PLOD3: variants seen among roughly 807,000 people sequenced by gnomAD.
PLOD3 encodes procollagen-lysine,2-oxoglutarate 5-dioxygenase 3, also known as multifunctional procollagen lysine hydroxylase and glycosyltransferase LH3.
A neutral mutation model predicts 96.9 loss-of-function variants in PLOD3; 73 were observed. The observed-to-expected ratio is 0.75, with a 90% CI of 0.62 to 0.92. The LOEUF (loss-of-function observed/expected upper bound fraction) is 0.92. PLOD3 is among the 40% of genes least tolerant of loss of function. PLOD3 has a pLI of 0.00. For missense variants in PLOD3, 1,004 were observed against 1,004.3 expected (o/e 1.00, Z 0.00); for synonymous variants, 454 against 413.7 (o/e 1.10, Z -1.18).
In PLOD3 at chr7:101,215,157, AT is replaced by A. The variant is rs750500194; in HGVS notation, c.616-6del. The A allele has an allele frequency of 3.8e-6, 6 of 1,593,798 alleles. 1 individual carries two copies. The South Asian group carries it at 6.6e-5, about 18-fold the overall frequency. ...CAGATTAAGGCTGAGTTTCTCCTAA[AT>A]GGAATGAGATGCGATGGAGTGGTTA... is the stretch of plus-strand genomic sequence containing the variant. On this transcript the variant is annotated splice_polypyrimidine_tract_variant and splice_region_variant and intron_variant, in intron 5 of 18. Transcript: ENST00000223127.
In PLOD3 at chr7:101,206,389, C is replaced by G. The variant is rs755819791; in HGVS notation, c.2109G>C (p.Pro703=). The change falls in exon 19 of 19, where the codon CCG becomes CCC. Residue 703 remains proline, a synonymous_variant. Transcript: ENST00000223127. ...FLRYDCVISS[P]RKGWALLHPG... is the part of the protein sequence containing the mutation. ...GGTGCAGGAGTGCCCAGCCCTTCCT[C>G]GGGGAGGAGATCACACAGTCGTAGC... 3 of 1,613,564 alleles carry G rather than the reference C, an allele frequency of 1.9e-6. No individual in the cohort carries two copies. The highest frequency in any genetic ancestry group is 2.5e-6 in the Non-Finnish European group (3 of 1,179,784).
At chr7:101,215,683 T>C (rs1048184823) in intron 5 of PLOD3, among the ~76,000 whole-genome samples, 1 of 152,050 alleles carries the variant, frequency 6.6e-6, no homozygotes, top group African/African-American at 2.4e-5. Flanking sequence ...TTTTTTTTTG[T>C]AGAGATGAGG....
In PLOD3 at chr7:101,206,163, C is replaced by G. The variant is rs78594054; in HGVS notation, c.*118G>C. ...AGGTGACATATTCAGTTCAGGCACG[C>G]GGAACATGAACTCAGGAAGTGGGGA... On this transcript the variant is annotated 3_prime_UTR_variant, in exon 19 of 19. Coordinates refer to ENST00000223127, the MANE Select transcript of PLOD3 (RefSeq NM_001084.5). 4 of 1,073,778 alleles carry G rather than the reference C, an allele frequency of 3.7e-6. No individual in the cohort carries two copies. In the African/African-American group the frequency reaches 6.2e-5, roughly 17 times the overall value. The allele number at this position is 1,073,778 out of a possible 1,614,324, so 66.5% of individuals were successfully genotyped here.
chr7:101,212,594 A>C lies in PLOD3; in HGVS notation c.941T>G (p.Phe314Cys). 4 of 1,613,870 alleles carry C rather than the reference A, an allele frequency of 2.5e-6. No individual in the cohort carries two copies. The highest frequency in any genetic ancestry group is 3.4e-6 in the Non-Finnish European group (4 of 1,179,880). The part of the protein sequence containing the change: ...VEQPTPFLPR[F>C]LQRLLLLDYP... The stretch of plus-strand genomic sequence containing the variant: ...GTCCAGGAGTAGCAGCCGCTGCAGG[A>C]AGCGGGGCAGAAACGGAGTAGGCTG... Residue 314 changes from phenylalanine (F) to cysteine (C), a missense_variant, in exon 9 of 19, where the codon TTC (phenylalanine) becomes TGC (cysteine). Coordinates refer to ENST00000223127, the MANE Select transcript of PLOD3 (RefSeq NM_001084.5).
Position 101,217,217 on chromosome 7 carries a change from G to T in PLOD3, c.58C>A (p.Pro20Thr). The T allele has an allele frequency of 1.3e-6, 2 of 1,501,144 alleles. No individual in the cohort carries two copies. Among genetic ancestry groups the T allele is most frequent in the Non-Finnish European group, 8.9e-7 (1 of 1,127,010 alleles). 93.0% of individuals were successfully genotyped at this position (1,501,144 alleles called of 1,614,324 possible). Residue 20 changes from proline (P) to threonine (T), a missense_variant, in exon 1 of 19, where the codon CCT (proline) becomes ACT (threonine). Pro to Thr is a conservative substitution (Grantham distance 38). Around this residue, in one of 5 missense-constraint regions of PLOD3, gnomAD observed 690 missense variants for 650.2 expected, o/e 1.06. Coordinates refer to ENST00000223127, the MANE Select transcript of PLOD3 (RefSeq NM_001084.5). ...GGCCGGTCGGAGGCTGAGGCCGCAG[G>T]GGGCAGCAGCAGCGGCAGCAGCAGC... ...FLLLLPLLLP[P>T]AASASDRPRG...
At chr7:101,206,611 C>A (rs1167419499) in intron 18 of PLOD3, among the ~76,000 whole-genome samples, 168 bp downstream of exon 18, 2 of 152,022 alleles carry the variant, frequency 1.3e-5, no homozygotes, top group Non-Finnish European at 2.9e-5. Flanking sequence ...ACAGGAAGAT[C>A]CAGGAGGAAG....
chr7:101,209,107 G>A, intron 15 of PLOD3, 150 bp from the exon 16 acceptor site: 1 of 686,894 alleles, frequency 1.5e-6, no homozygotes, highest in Admixed American at 2.0e-5. Flanking sequence ...TGAGGGAGTG[G>A]CAAGGCTGAG....
At position 101,216,200 on chromosome 7, in the gene PLOD3, AG is replaced by A; in HGVS notation, c.464del (p.Pro155LeufsTer50). 1 of 1,613,898 alleles carries A rather than the reference AG, an allele frequency of 6.2e-7. No individual in the cohort carries two copies. The highest frequency in any genetic ancestry group is 8.5e-7 in the Non-Finnish European group (1 of 1,179,978). ...GGAAGCGCTTCCCCGTGCCCACCTC[AG>A]GGTACTGCTCCGCCAGCCCCCACTC... ...WPEWGLAEQY[P>X]EVGTGKRFLN... On this transcript the variant is annotated frameshift_variant, in exon 4 of 19. Coordinates refer to ENST00000223127, the MANE Select transcript of PLOD3 (RefSeq NM_001084.5). LOFTEE classifies it high-confidence loss of function.
chr7:101,217,021 G>A (rs1181953100), intron 1 of PLOD3, 145 bp downstream of exon 1: 3 of 956,772 alleles, frequency 3.1e-6, no homozygotes. Flanking sequence ...GATGGGCGAG[G>A]GGCTTGGCGC....
In PLOD3 at chr7:101,207,963, G is replaced by A. The variant is rs77665329; in HGVS notation, c.1789-239C>T. Among the ~76,000 whole-genome samples, 15,058 of 152,192 alleles carry A rather than the reference G, an allele frequency of 0.099. 781 individuals are homozygous for A. Among genetic ancestry groups the A allele is most frequent in the East Asian group, 0.19 (963 of 5,180 alleles). Reference sequence around the variant, plus strand: ...CCCAAGTCTGGGTCAAGGCTTCCCCGTGGCTTCTATTGCACCCAGGCTGCT... The same window carrying A: ...CCCAAGTCTGGGTCAAGGCTTCCCCATGGCTTCTATTGCACCCAGGCTGCT... On this transcript the variant is annotated intron_variant, in intron 16 of 18. Coordinates refer to ENST00000223127, the MANE Select transcript of PLOD3 (RefSeq NM_001084.5).
rs774009773 is a variant in PLOD3, at chr7:101,206,771, G to A, written c.2061+8C>T. On this transcript the variant is annotated splice_region_variant and intron_variant, in intron 18 of 18. Coordinates refer to ENST00000223127, the MANE Select transcript of PLOD3 (RefSeq NM_001084.5). Reference sequence around the variant, plus strand: ...GAAGCGTGGGTGGGTAGTGTGACTGGGGCGCACCTCATAGTCCAGGCCCTT... The same window carrying A: ...GAAGCGTGGGTGGGTAGTGTGACTGAGGCGCACCTCATAGTCCAGGCCCTT... 14 of 1,581,052 alleles carry A rather than the reference G, an allele frequency of 8.9e-6. No homozygotes were observed. The highest frequency in any genetic ancestry group is 2.7e-5 in the African/African-American group (2 of 74,408).
In PLOD3 at chr7:101,216,444, CA is replaced by C; in HGVS notation, c.303del (p.Asp102ThrfsTer5). ...RWLKKEMEKY[A>X]DREDMIIMFV... ...AACATGATGATCATATCCTCCCGGT[CA>C]GCGTATTTCTCCATTTCCTTCTTTA... On this transcript the variant is annotated frameshift_variant, in exon 3 of 19. Transcript: ENST00000223127. LOFTEE classifies it high-confidence loss of function. 6.2e-7 allele frequency: 1 copy of C among 1,614,176 alleles called. No individual in the cohort carries two copies. Among genetic ancestry groups the C allele is most frequent in the South Asian group, 1.1e-5 (1 of 91,080 alleles).
chr7:101,211,997 G>A (rs562612789), intron 10 of PLOD3, 47 bp from the exon 11 acceptor site: 4 of 1,321,072 alleles, frequency 3.0e-6, no homozygotes, highest in East Asian at 4.9e-5. Context: ...GGGAGGCGGT[G>A]TGGATGGGGT....
Position 101,217,214 on chromosome 7 carries a change from C to A in PLOD3, c.61G>T (p.Ala21Ser). The change falls in exon 1 of 19, where the codon GCG (alanine) becomes TCG (serine). Residue 21 changes from alanine to serine, a missense_variant. Ala to Ser is a moderately conservative substitution (Grantham distance 99). This residue lies in a region of PLOD3 where 690 missense variants were observed against 650.2 expected (regional missense o/e 1.06). Coordinates refer to ENST00000223127, the MANE Select transcript of PLOD3 (RefSeq NM_001084.5). ...CGGGGCCGGTCGGAGGCTGAGGCCG[C>A]AGGGGGCAGCAGCAGCGGCAGCAGC... ...LLLLPLLLPP[A>S]ASASDRPRGR... The A allele has an allele frequency of 6.7e-7, 1 of 1,499,706 alleles. No individual in the cohort carries two copies. Among genetic ancestry groups the A allele is most frequent in the Non-Finnish European group, 8.9e-7 (1 of 1,126,386 alleles). 92.9% of individuals were successfully genotyped at this position (1,499,706 alleles called of 1,614,324 possible).
rs905548810 is a variant in PLOD3 at position 101,217,523 on chromosome 7, G to A, written c.-249C>T. ...CACGGGAGGCGGGGGAGGGGCGGCG[G>A]CTCGGGCCGGCGGGCGGGAGACAGG... On this transcript the variant is annotated 5_prime_UTR_variant, in exon 1 of 19. Coordinates refer to ENST00000223127, the MANE Select transcript of PLOD3 (RefSeq NM_001084.5). 3.8e-5 allele frequency: 18 copies of A among 477,032 alleles called. No individual in the cohort carries two copies. Among genetic ancestry groups the A allele is most frequent in the Non-Finnish European group, 6.6e-5 (18 of 273,072 alleles). The allele number at this position is 477,032 out of a possible 1,614,324, so 29.5% of individuals were successfully genotyped here.
At position 101,210,451 on chromosome 7, in the gene PLOD3, T is replaced by TG. The variant is rs2116800287; in HGVS notation, c.1501-8dup. 6.2e-7 allele frequency: 1 copy of TG among 1,613,796 alleles called. No individual in the cohort carries two copies. Among genetic ancestry groups the TG allele is most frequent in the Non-Finnish European group, 8.5e-7 (1 of 1,179,842 alleles). ...TCAGATGGAGGAAGATGCCCTGTAG[T>TG]GGGGTGGGGGTGTCCGTGATGCAGG... On this transcript the variant is annotated splice_region_variant and splice_polypyrimidine_tract_variant and intron_variant, in intron 13 of 18. Transcript: ENST00000223127.
Position 101,215,893 on chromosome 7 carries a change from C to T in PLOD3, c.615+15G>A, listed in dbSNP as rs753935592. ...ACAGAGCTGCGGGATGCGCCCACTC[C>T]TCTGCCTTCCCTACCCTCAGTCCTG... On this transcript the variant is annotated intron_variant, in intron 5 of 18. Transcript: ENST00000223127. The T allele has an allele frequency of 1.3e-6, 2 of 1,564,366 alleles. No individual in the cohort carries two copies. Among genetic ancestry groups the T allele is most frequent in the Admixed American group, 1.7e-5 (1 of 59,916 alleles).
Position 101,212,177 on chromosome 7 carries a change from G to A in PLOD3, c.1127+76C>T, listed in dbSNP as rs1204721355. Reference sequence around the variant, plus strand: ...CTGGATGGGTGACAGGTGAGGCAAGGGCCAGGCAGCAGGTGGCAGCACCCC... The same window carrying A: ...CTGGATGGGTGACAGGTGAGGCAAGAGCCAGGCAGCAGGTGGCAGCACCCC... On this transcript the variant is annotated intron_variant, in intron 10 of 18. Coordinates refer to ENST00000223127, the MANE Select transcript of PLOD3 (RefSeq NM_001084.5). The A allele has an allele frequency of 3.7e-5, 59 of 1,576,036 alleles. No homozygotes were observed. The East Asian group carries it at 1.3e-3, about 35-fold the overall frequency.
intron 6 of PLOD3, chr7:101,213,506 G>GT (rs3988239): frequency 0.048 from 12,948 of 267,352 alleles, no homozygotes; most frequent in South Asian, 0.077. Context: ...CTCTCTCCTT[G>GT]TTTTTTTTTT....
Sources: allele counts gnomAD v4.1 joint callset (sites outside exome capture counted in the v4.1 genomes callset), GRCh38; gene constraint gnomAD v4.1.1; regional missense constraint gnomAD v4.1.1; transcripts MANE v1.5; gene names NCBI Gene and HGNC (gene_info 2026-07-23, HGNC 2026-07-21).